The following VPS13D variants were observed in gnomAD, a reference collection of about 807,000 sequenced individuals.
VPS13D encodes vacuolar protein sorting 13 homolog D.
A neutral mutation model predicts 461.9 loss-of-function variants in VPS13D; 187 were observed. That is an observed-to-expected ratio of 0.40 (90% CI 0.36 to 0.46). VPS13D has a LOEUF of 0.46. Ranked by LOEUF, VPS13D falls within the 20% of genes least tolerant of loss-of-function variation. The pLI is 0.60. For synonymous variants in VPS13D, 1,951 were observed against 1,986.3 expected (o/e 0.98, Z 0.47); for missense variants, 4,711 against 5,364.9 (o/e 0.88, Z 3.81).
At chr1:12,386,109 T>G in intron 59 of VPS13D, 76 bp from the exon 60 acceptor site, 1 of 1,470,542 alleles carries the variant, frequency 6.8e-7, no homozygotes, top group Non-Finnish European at 9.0e-7. Context: ...TAAAATGCTT[T>G]ATTTTCTTAT....
chr1:12,293,766 C>A, intron 24 of VPS13D, 62 bp downstream of exon 24: 1 of 1,525,446 alleles, frequency 6.6e-7, no homozygotes, highest in Non-Finnish European at 8.9e-7. Flanking sequence ...AACTTTTAGG[C>A]CTCTAGAGAT....
chr1:12,420,594 G>A (rs1280358887), intron 65 of VPS13D, among the ~76,000 whole-genome samples: 1 of 152,212 alleles, frequency 6.6e-6, no homozygotes, highest in Non-Finnish European at 1.5e-5. Flanking sequence ...TTTCTGGGAT[G>A]AGGGTCCAAT....
chr1:12,311,541 G>A lies in VPS13D; in HGVS notation c.6738G>A (p.Leu2246=). ...CTCTGGATCTGTATAAATACAAGCT[G>A]ATCCGCGGCTTATTAGAGAACAACC... ...HCSLDLYKYK[L]IRGLLENNLG... The change falls in exon 28 of 70, where the codon CTG becomes CTA. Residue 2246 remains leucine, a synonymous_variant. Transcript: ENST00000620676. The A allele has an allele frequency of 6.2e-7, 1 of 1,614,122 alleles. No homozygotes were observed. The highest frequency in any genetic ancestry group is 8.5e-7 in the Non-Finnish European group (1 of 1,180,028).
At chr1:12,369,938 C>T (rs1644094109) in intron 54 of VPS13D, among the ~76,000 whole-genome samples, 1 of 152,248 alleles carries the variant, frequency 6.6e-6, no homozygotes, top group South Asian at 2.1e-4. Flanking sequence ...AGATCTCTCC[C>T]AAGAATTCAT....
intron 42 of VPS13D, among the ~76,000 whole-genome samples, chr1:12,345,167 A>G (rs890051306): frequency 1.3e-5 from 2 of 152,178 alleles, no homozygotes; most frequent in East Asian, 3.8e-4. Flanking sequence ...TACTCAGTCA[A>G]GCTTTACAGA....
chr1:12,400,110 C>G, intron 60 of VPS13D, 71 bp from the exon 61 acceptor site: 3 of 1,558,138 alleles, frequency 1.9e-6, no homozygotes, highest in South Asian at 1.2e-5. Context: ...AGGCCCCACT[C>G]AAGCGTAAAA....
At chr1:12,267,091 C>T in intron 14 of VPS13D, 80 bp downstream of exon 14, 1 of 1,364,624 alleles carries the variant, frequency 7.3e-7, no homozygotes, top group South Asian at 1.8e-5. Context: ...ATAACTGATT[C>T]ATTCTGACAT....
At chr1:12,497,683 C>G (rs750309298) in intron 68 of VPS13D, 52 bp downstream of exon 68, 6 of 1,568,460 alleles carry the variant, frequency 3.8e-6, no homozygotes, top group Non-Finnish European at 1.7e-6. Flanking sequence ...GTTGCCTCTT[C>G]TTTTGATCCT....
chr1:12,490,509 T>C (rs1035794285), intron 67 of VPS13D, among the ~76,000 whole-genome samples: 2 of 152,232 alleles, frequency 1.3e-5, no homozygotes, highest in African/African-American at 4.8e-5. Flanking sequence ...GAAGAAATGC[T>C]TTTCCACTTC....
intron 58 of VPS13D, 125 bp downstream of exon 58, chr1:12,383,280 T>A: frequency 9.9e-7 from 1 of 1,008,308 alleles, no homozygotes; most frequent in Non-Finnish European, 1.4e-6. Context: ...TCTTCATCTG[T>A]AAAATGGGGA....
chr1:12,446,858 T>C (rs1645198940), intron 65 of VPS13D, among the ~76,000 whole-genome samples: 1 of 152,192 alleles, frequency 6.6e-6, no homozygotes, highest in Admixed American at 6.5e-5. Context: ...GTATAAATGG[T>C]ACATACTAGT....
At chr1:12,391,298 C>T (rs968154172) in intron 60 of VPS13D, among the ~76,000 whole-genome samples, 7 of 152,116 alleles carry the variant, frequency 4.6e-5, no homozygotes, top group African/African-American at 1.4e-4. Context: ...GCCTGCATAT[C>T]GTGCAGAACC....
chr1:12,409,931 CTT>C (rs1644701625), intron 63 of VPS13D: 1 of 455,812 alleles, frequency 2.2e-6, no homozygotes, highest in African/African-American at 2.0e-5. Context: ...ATTCTTGAGA[CTT>C]TTTCTGATTT....
intron 20 of VPS13D, among the ~76,000 whole-genome samples, chr1:12,282,488 G>A (rs369508266): frequency 2.6e-5 from 4 of 152,146 alleles, no homozygotes; most frequent in East Asian, 1.9e-4. Context: ...AACTCTTATT[G>A]TATGTAGATT....
At chr1:12,351,614 C>T (rs28408239) in intron 46 of VPS13D, among the ~76,000 whole-genome samples, 4,186 of 138,548 alleles carry the variant, frequency 0.03, 75 homozygotes, top group Non-Finnish European at 0.046. Context: ...TTGATTGAGA[C>T]AGAGTCTTGC....
chr1:12,416,674 G>A lies in VPS13D; in HGVS notation c.12180G>A (p.Gln4060=). The change falls in exon 65 of 70, where the codon CAG becomes CAA. Residue 4060 remains glutamine (Q), a synonymous_variant. Coordinates refer to ENST00000620676, the MANE Select transcript of VPS13D (RefSeq NM_015378.4). ...LKHFQEELLS[Q]AARILGSVDF... ...CCATTTGGCAGGAACTCCTCAGCCA[G>A]GCAGCTCGAATCCTGGGATCAGTGG... The A allele has an allele frequency of 6.2e-7, 1 of 1,613,648 alleles. No individual in the cohort carries two copies. The highest frequency in any genetic ancestry group is 8.5e-7 in the Non-Finnish European group (1 of 1,179,850).
In VPS13D at chr1:12,335,721, C is replaced by T; in HGVS notation, c.8445C>T (p.Thr2815=). The change falls in exon 39 of 70, where the codon ACC becomes ACT. Residue 2815 remains threonine, a synonymous_variant. Coordinates refer to ENST00000620676, the MANE Select transcript of VPS13D (RefSeq NM_015378.4). ...TSVLIDQYVS[T]KESWMADYCK... is the part of the protein sequence containing the mutation. Reference sequence around the variant, plus strand: ...TCTTTCTAGACCAGTATGTAAGTACCAAGGAATCGTGGATGGCAGATTACT... The same window carrying T: ...TCTTTCTAGACCAGTATGTAAGTACTAAGGAATCGTGGATGGCAGATTACT... The T allele has an allele frequency of 3.1e-6, 5 of 1,613,590 alleles. No homozygotes were observed. The highest frequency in any genetic ancestry group is 4.2e-6 in the Non-Finnish European group (5 of 1,179,754).
intron 60 of VPS13D, among the ~76,000 whole-genome samples, chr1:12,395,736 G>A (rs192130568): frequency 3.3e-5 from 5 of 151,748 alleles, no homozygotes; most frequent in East Asian, 1.9e-4. Flanking sequence ...TCTCATGAGC[G>A]GTGAATCAGG....
chr1:12,418,238 T>G (rs2100244373), intron 65 of VPS13D, among the ~76,000 whole-genome samples: 1 of 152,336 alleles, frequency 6.6e-6, no homozygotes, highest in African/African-American at 2.4e-5. Context: ...ACTTTCCCAC[T>G]CATGGTTTGA....
Sources: gnomAD v4.1 joint callset for allele counts (sites outside exome capture counted in the v4.1 genomes callset) on GRCh38, gnomAD v4.1.1 for gene constraint, MANE v1.5 for transcripts, NCBI Gene and HGNC (gene_info 2026-07-23, HGNC 2026-07-21) for gene names.